KCTD9: variants seen among roughly 807,000 people sequenced by gnomAD.
KCTD9 encodes BTB/POZ domain-containing protein KCTD9.
A neutral mutation model predicts 53.3 loss-of-function variants in KCTD9; 17 were observed. The ratio of observed to expected loss-of-function variants is 0.32; its 90% confidence interval spans 0.22 to 0.48. The LOEUF is 0.48. KCTD9 is among the 20% of genes least tolerant of loss of function. The pLI is 0.99. For missense variants in KCTD9, 179 were observed against 465.5 expected (o/e 0.38, Z 5.66); for synonymous variants, 128 against 162.7 (o/e 0.79, Z 1.62).
At chr8:25,455,851 G>A (rs1802422819) in intron 1 of KCTD9, among the ~76,000 whole-genome samples, 1 of 152,164 alleles carries the variant, frequency 6.6e-6, no homozygotes, top group South Asian at 2.1e-4. Context: ...TGTCTTTCTA[G>A]ATCGGAAAAA....
At chr8:25,450,048 G>C (rs1802290707) in intron 1 of KCTD9, among the ~76,000 whole-genome samples, 2 of 152,118 alleles carry the variant, frequency 1.3e-5, no homozygotes, top group African/African-American at 4.8e-5. Flanking sequence ...CTATTTTCAA[G>C]GCAATCAAAG....
intron 8 of KCTD9, 64 bp downstream of exon 8, chr8:25,436,171 G>T: frequency 9.9e-7 from 1 of 1,010,230 alleles, no homozygotes. Context: ...AACACTAGAA[G>T]AATGTAAAAT....
intron 3 of KCTD9, 28 bp downstream of exon 3, chr8:25,444,263 AG>A: frequency 9.2e-7 from 1 of 1,089,278 alleles, no homozygotes. Context: ...TTTTTTTGGC[AG>A]ATAAAATTGG....
chr8:25,456,664 C>G (rs760563400), intron 1 of KCTD9, among the ~76,000 whole-genome samples: 1 of 151,558 alleles, frequency 6.6e-6, no homozygotes, highest in South Asian at 2.1e-4. Context: ...AAATTTAAAT[C>G]CAAGAATCTA....
At chr8:25,439,131 T>A in intron 6 of KCTD9, 148 bp downstream of exon 6, 1 of 611,792 alleles carries the variant, frequency 1.6e-6, no homozygotes. Flanking sequence ...CTCATATACA[T>A]GTGAAAACAT....
intron 2 of KCTD9, among the ~76,000 whole-genome samples, chr8:25,445,236 T>C (rs969533362): frequency 2.6e-5 from 4 of 152,162 alleles, no homozygotes; most frequent in Admixed American, 2.0e-4. Flanking sequence ...AAAAATCTGT[T>C]TTCATTAACA....
At chr8:25,453,125 G>A (rs150941329) in intron 1 of KCTD9, among the ~76,000 whole-genome samples, 482 of 152,266 alleles carry the variant, frequency 3.2e-3, no homozygotes, top group African/African-American at 0.011. Flanking sequence ...TACTTTGGGC[G>A]GCTGAGGCGG....
At position 25,428,126 on chromosome 8, in the gene KCTD9, G is replaced by GT. The variant is rs1235375137; in HGVS notation, c.*1730dup. The GT allele has an allele frequency of 6.6e-6, 1 of 152,604 alleles. No homozygotes were observed. The highest frequency in any genetic ancestry group is 1.9e-4 in the East Asian group (1 of 5,194). The allele number at this position is 152,604 out of a possible 1,614,324, so 9.5% of individuals were successfully genotyped here. A position where few individuals can be genotyped will look rare whatever the true frequency, so the allele number is the denominator to read the frequency against. ...TTTAGATCTTTCAGATCCTTCTGCA[G>GT]TTTTAGGTTATTTCTACAGAGGTAC... is the stretch of plus-strand genomic sequence containing the variant. On this transcript the variant is annotated 3_prime_UTR_variant, in exon 12 of 12. Coordinates refer to ENST00000221200, the MANE Select transcript of KCTD9 (RefSeq NM_017634.4).
chr8:25,449,842 A>G (rs1802285661), intron 1 of KCTD9, among the ~76,000 whole-genome samples: 1 of 152,200 alleles, frequency 6.6e-6, no homozygotes, highest in Non-Finnish European at 1.5e-5. Flanking sequence ...TGAAGAAAAA[A>G]AAACACAACT....
chr8:25,449,768 C>T (rs992439241), intron 1 of KCTD9, among the ~76,000 whole-genome samples: 1 of 150,238 alleles, frequency 6.7e-6, no homozygotes, highest in African/African-American at 2.5e-5. Context: ...TTGAATAGCA[C>T]AAATTTCCAT....
intron 6 of KCTD9, among the ~76,000 whole-genome samples, chr8:25,438,127 A>G (rs1379675980): frequency 6.6e-6 from 1 of 152,156 alleles, no homozygotes; most frequent in Non-Finnish European, 1.5e-5. Context: ...AATCTTGGTA[A>G]TAGCTTGGTT....
intron 10 of KCTD9, 102 bp from the exon 11 acceptor site, chr8:25,432,739 G>A (rs1375870373): frequency 6.9e-6 from 7 of 1,012,152 alleles, no homozygotes; most frequent in Middle Eastern, 2.2e-4. Flanking sequence ...TTAACTTTTG[G>A]AAATTAATCT....
At chr8:25,455,568 T>C (rs1007385162) in intron 1 of KCTD9, among the ~76,000 whole-genome samples, 1 of 152,242 alleles carries the variant, frequency 6.6e-6, no homozygotes, top group African/African-American at 2.4e-5. Flanking sequence ...CTTCTGCCAT[T>C]TCCTCATTGT....
intron 1 of KCTD9, among the ~76,000 whole-genome samples, chr8:25,449,294 T>C (rs1229940217): frequency 6.6e-6 from 1 of 152,216 alleles, no homozygotes; most frequent in Non-Finnish European, 1.5e-5. Flanking sequence ...TAAATCTTTC[T>C]TTTCCCTCTT....
intron 1 of KCTD9, among the ~76,000 whole-genome samples, chr8:25,448,159 G>A (rs1802251017): frequency 1.3e-5 from 2 of 151,476 alleles, no homozygotes; most frequent in Admixed American, 1.3e-4. Flanking sequence ...GAAAAGGAAA[G>A]GAAAGGAAAG....
rs59540797 is a variant in KCTD9 at position 25,437,847 on chromosome 8, C to CAAAA, written c.500-1366_500-1363dup. Among the ~76,000 whole-genome samples, 50 of 62,534 alleles carry CAAAA rather than the reference C, an allele frequency of 8.0e-4. 2 individuals carry two copies. The highest frequency in any genetic ancestry group is 1.8e-3 in the African/African-American group (26 of 14,086). 41.0% of individuals were successfully genotyped at this position (62,534 alleles called of 152,430 possible). A position where few individuals can be genotyped will look rare whatever the true frequency, so the allele number is the denominator to read the frequency against. Reference sequence around the variant, plus strand: ...TGGGTGACAGAGCGAGACCCTGTCTCAAAAAAAAAAAAAAAAAAAAAAAAA... The same window carrying CAAAA: ...TGGGTGACAGAGCGAGACCCTGTCTCAAAAAAAAAAAAAAAAAAAAAAAAAAAAA... On this transcript the variant is annotated intron_variant, in intron 6 of 11. Transcript: ENST00000221200.
chr8:25,444,426 A>G (rs1802178388), intron 2 of KCTD9, 91 bp from the exon 3 acceptor site: 3 of 1,208,996 alleles, frequency 2.5e-6, no homozygotes, highest in East Asian at 2.5e-5. Context: ...TTACAATTAT[A>G]TAGACAATAG....
chr8:25,443,248 A>T (rs1293157996), intron 3 of KCTD9, among the ~76,000 whole-genome samples: 1 of 151,918 alleles, frequency 6.6e-6, no homozygotes, highest in Non-Finnish European at 1.5e-5. Flanking sequence ...CACTAAAAAA[A>T]TCAAGGCTTG....
At chr8:25,441,682 A>G (rs1802125289) in intron 3 of KCTD9, among the ~76,000 whole-genome samples, 1 of 152,174 alleles carries the variant, frequency 6.6e-6, no homozygotes, top group African/African-American at 2.4e-5. Flanking sequence ...AGAAAAGGTA[A>G]AAAAGAGAAT....
Sources: gnomAD v4.1 joint callset for allele counts (sites outside exome capture counted in the v4.1 genomes callset) on GRCh38, gnomAD v4.1.1 for gene constraint, MANE v1.5 for transcripts, NCBI Gene and HGNC (gene_info 2026-07-23, HGNC 2026-07-21) for gene names.